The following HNRNPL variants were observed in gnomAD, a reference collection of about 807,000 sequenced individuals.
HNRNPL encodes heterogeneous nuclear ribonucleoprotein L, also known as epididymis secretory sperm binding protein.
In HNRNPL, 12 loss-of-function variants were observed where a neutral mutation model predicts 64.0. The ratio of observed to expected loss-of-function variants is 0.19; its 90% CI spans 0.12 to 0.30. The LOEUF is 0.30. HNRNPL is among the 10% of genes least tolerant of loss of function. The pLI is 1.00. For missense variants in HNRNPL, 484 were observed against 797.4 expected, an observed-to-expected ratio of 0.61 and a Z score of 4.73; for synonymous variants, 385 against 313.0, an observed-to-expected ratio of 1.23 and a Z score of -2.43.
rs1193541500 is a variant in HNRNPL at position 38,843,927 on chromosome 19, G to A, written c.808-13C>T. On this transcript the variant is annotated splice_polypyrimidine_tract_variant and intron_variant, in intron 5 of 12. Coordinates refer to ENST00000221419, the MANE Select transcript of HNRNPL (RefSeq NM_001533.3). ...TCAAGCGTGTAGGCTGCAAGGACAG[G>A]ACAAGACAAGACTTGAGGTCAGCCA... is the stretch of plus-strand genomic sequence containing the variant. 6 of 1,613,730 alleles carry A rather than the reference G, an allele frequency of 3.7e-6. No individual in the cohort carries two copies. The highest frequency in any genetic ancestry group is 1.1e-5 in the South Asian group (1 of 91,084).
At chr19:38,837,143 C>G in intron 12 of HNRNPL, 3 of 576,248 alleles carry the variant, frequency 5.2e-6, no homozygotes, top group Non-Finnish European at 9.3e-6. Context: ...ATGCCACCTC[C>G]CTGGAGGACA....
chr19:38,845,975 G>A lies in HNRNPL; in HGVS notation c.502C>T (p.Pro168Ser). The A allele has an allele frequency of 1.2e-6, 2 of 1,614,132 alleles. No homozygotes were observed. Among genetic ancestry groups the A allele is most frequent in the African/African-American group, 1.3e-5 (1 of 75,022 alleles). The stretch of plus-strand genomic sequence containing the variant: ...CTGGTAGAGTAGTTGACAAAAGCTG[G>A]GTGACCAGCAATGTATATTTGGTTG... ...ADNQIYIAGH[P>S]AFVNYSTSQK... The change falls in exon 3 of 13, where the codon CCA becomes TCA. Residue 168 changes from proline to serine, a missense_variant. Transcript: ENST00000221419.
intron 12 of HNRNPL, 169 bp from the exon 13 acceptor site, chr19:38,836,949 G>T: frequency 1.7e-6 from 1 of 574,416 alleles, no homozygotes; most frequent in Non-Finnish European, 3.1e-6. Flanking sequence ...ATTATGCACG[G>T]CGTTTCTCCT....
chr19:38,837,262 T>C lies in HNRNPL; in HGVS notation c.1711+122A>G. On this transcript the variant is annotated intron_variant, in intron 12 of 12. Transcript: ENST00000221419. ...CTGATGAGCAGGTCCCACCTGCCTG[T>C]GTCACCAACAGTGCGAAGATCCCGG... 3 of 745,364 alleles carry C rather than the reference T, an allele frequency of 4.0e-6. No individual in the cohort carries two copies. In the South Asian group the frequency reaches 4.8e-5, roughly 12 times the overall value. The allele number at this position is 745,364 out of a possible 1,614,324, so 46.2% of individuals were successfully genotyped here. A position where few individuals can be genotyped will look rare whatever the true frequency, so the allele number is the denominator to read the frequency against.
rs769025939 is a variant in HNRNPL, at chr19:38,847,432, C to T, written c.270G>A (p.Glu90=). The T allele has an allele frequency of 7.4e-5, 111 of 1,502,326 alleles. No homozygotes were observed. The highest frequency in any genetic ancestry group is 1.8e-4 in the Middle Eastern group (1 of 5,644). 93.1% of individuals were successfully genotyped at this position (1,502,326 alleles called of 1,614,324 possible). A position where few individuals can be genotyped will look rare whatever the true frequency, so the allele number is the denominator to read the frequency against. Residue 90 remains glutamate, a splice_region_variant and synonymous_variant, in exon 2 of 13, where the codon GAG becomes GAA. Transcript: ENST00000221419. ...GGGTTTTGTGCGGGTCATCGTAGTT[C>T]TCCTGAGAAAGGAAGCAAAAACAAG... is the stretch of plus-strand genomic sequence containing the variant. ...AGAAGGGGGG[E]NYDDPHKTPA...
Position 38,837,576 on chromosome 19 carries a change from T to C in HNRNPL, c.1615+18A>G. ...CCACCATGCAATTAGGGCAAGGAGG[T>C]GGGCACACTCGACTCACTTTTGCCT... On this transcript the variant is annotated intron_variant, in intron 11 of 12. Coordinates refer to ENST00000221419, the MANE Select transcript of HNRNPL (RefSeq NM_001533.3). 1 of 1,613,952 alleles carries C rather than the reference T, an allele frequency of 6.2e-7. No homozygotes were observed. Among genetic ancestry groups the C allele is most frequent in the Non-Finnish European group, 8.5e-7 (1 of 1,179,866 alleles).
Position 38,836,797 on chromosome 19 carries a change from A to G in HNRNPL, c.1712-17T>C. ...ATGGACCATCTGCAAAGGAGAGACA[A>G]GTTTGGTTGGTTCCCGTCTTTGGAG... On this transcript the variant is annotated splice_polypyrimidine_tract_variant and intron_variant, in intron 12 of 12. Coordinates refer to ENST00000221419, the MANE Select transcript of HNRNPL (RefSeq NM_001533.3). The G allele has an allele frequency of 6.2e-7, 1 of 1,603,734 alleles. No homozygotes were observed. The highest frequency in any genetic ancestry group is 8.5e-7 in the Non-Finnish European group (1 of 1,175,368).
chr19:38,845,827 C>A, intron 3 of HNRNPL, 26 bp downstream of exon 3: 1 of 1,606,388 alleles, frequency 6.2e-7, no homozygotes, highest in Non-Finnish European at 8.5e-7. Context: ...AGGGAGACCT[C>A]ACAAGAAATG....
rs747855653 is a variant in HNRNPL at position 38,844,120 on chromosome 19, G to A, written c.711-16C>T. On this transcript the variant is annotated splice_polypyrimidine_tract_variant and intron_variant, in intron 4 of 12. Transcript: ENST00000221419. ...TGAGTCAAATGTGAGTCAAGTTAAG[G>A]AAAGTCCCATCACAGGAGATCTTTG... 4 of 1,563,354 alleles carry A rather than the reference G, an allele frequency of 2.6e-6. No homozygotes were observed. In the African/African-American group the frequency reaches 4.1e-5, roughly 16 times the overall value.
At chr19:38,841,019 G>A (rs1282442837) in intron 6 of HNRNPL, 2 of 198,062 alleles carry the variant, frequency 1.0e-5, no homozygotes, top group Non-Finnish European at 2.0e-5. Context: ...AAAGTTCTAG[G>A]AGCTCCAGAC....
intron 6 of HNRNPL, chr19:38,841,509 G>C (rs1402816470): frequency 1.3e-5 from 7 of 522,764 alleles, no homozygotes; most frequent in Non-Finnish European, 2.1e-5. Context: ...ACCCGGCCTG[G>C]GTTTTGTTAC....
intron 6 of HNRNPL, chr19:38,841,768 T>C: frequency 5.5e-6 from 3 of 544,610 alleles, no homozygotes; most frequent in African/African-American, 1.9e-5. Flanking sequence ...TAAAAGTCAA[T>C]ATTTTGATTA....
In HNRNPL at chr19:38,849,816, C is replaced by T. The variant is rs1333395390; in HGVS notation, c.151G>A (p.Gly51Ser). 8 of 1,297,856 alleles carry T rather than the reference C, an allele frequency of 6.2e-6. No individual in the cohort carries two copies. Among genetic ancestry groups the T allele is most frequent in the African/African-American group, 1.5e-5 (1 of 65,088 alleles). The allele number at this position is 1,297,856 out of a possible 1,614,324, so 80.4% of individuals were successfully genotyped here. A position where few individuals can be genotyped will look rare whatever the true frequency, so the allele number is the denominator to read the frequency against. Residue 51 changes from glycine to serine, a missense_variant, in exon 1 of 13, where the codon GGC becomes AGC. Gly to Ser is a moderately conservative substitution (Grantham distance 56). This residue lies in a region of HNRNPL where 190 missense variants were observed against 160.1 expected (regional missense o/e 1.19). Coordinates refer to ENST00000221419, the MANE Select transcript of HNRNPL (RefSeq NM_001533.3). ...GGGGGRYYGGGSEGGRAPKRL... is the reference protein window; with the variant it reads ...GGGGGRYYGGSSEGGRAPKRL... The stretch of plus-strand genomic sequence containing the variant: ...TTAGGGGCCCGGCCGCCCTCACTGC[C>T]GCCGCCGTAGTAGCGGCCACCGCCG...
intron 6 of HNRNPL, chr19:38,841,402 C>A: frequency 2.8e-6 from 1 of 357,998 alleles, no homozygotes; most frequent in Non-Finnish European, 5.5e-6. Flanking sequence ...GACACTTTGG[C>A]CCAAAGTCAC....
upstream of HNRNPL, chr19:38,850,253 G>T (rs984705031): frequency 5.5e-6 from 2 of 361,618 alleles, no homozygotes; most frequent in Non-Finnish European, 9.9e-6. Flanking sequence ...GGCGCTGCTG[G>T]CCTCCCTAAA....
At position 38,847,440 on chromosome 19, in the gene HNRNPL, A is replaced by G. The variant is rs748177189; in HGVS notation, c.268-6T>C. The G allele has an allele frequency of 4.8e-6, 7 of 1,471,216 alleles. No homozygotes were observed. The Admixed American group carries it at 7.1e-5, about 15-fold the overall frequency. The allele number at this position is 1,471,216 out of a possible 1,614,324, so 91.1% of individuals were successfully genotyped here. On this transcript the variant is annotated splice_polypyrimidine_tract_variant and splice_region_variant and intron_variant, in intron 1 of 12. Coordinates refer to ENST00000221419, the MANE Select transcript of HNRNPL (RefSeq NM_001533.3). ...TGCGGGTCATCGTAGTTCTCCTGAG[A>G]AAGGAAGCAAAAACAAGAATTATTT...
At chr19:38,847,613 C>G (rs1972343611) in intron 1 of HNRNPL, 179 bp from the exon 2 acceptor site, 1 of 372,686 alleles carries the variant, frequency 2.7e-6, no homozygotes, top group African/African-American at 2.1e-5. Flanking sequence ...TCTGGGTCAG[C>G]AGAACAGTGG....
At chr19:38,850,626 G>T (rs564199864), upstream of HNRNPL, among the ~76,000 whole-genome samples, 1 of 152,334 alleles carries the variant, frequency 6.6e-6, no homozygotes, top group East Asian at 1.9e-4. Context: ...ACGCTTTCAG[G>T]CACCGCCCAG....
intron 2 of HNRNPL, among the ~76,000 whole-genome samples, chr19:38,846,646 C>T (rs372483461): frequency 1.3e-5 from 2 of 152,134 alleles, no homozygotes; most frequent in East Asian, 1.9e-4. Context: ...CAGTGGCTCA[C>T]GCCTGTAATC....
Sources: gnomAD v4.1 joint callset for allele counts (sites outside exome capture counted in the v4.1 genomes callset) on GRCh38, gnomAD v4.1.1 for gene constraint, gnomAD v4.1.1 regional missense constraint, MANE v1.5 for transcripts, NCBI Gene and HGNC (gene_info 2026-07-23, HGNC 2026-07-21) for gene names.